Variants in FEM1C observed in about 807,000 individuals in gnomAD.
FEM1C encodes the protein fem-1 homolog C, also known as protein fem-1 homolog C.
FEM1C carries 15 observed loss-of-function variants against 37.6 expected under a neutral mutation model. That is an observed-to-expected ratio of 0.40 (90% confidence interval 0.27 to 0.61). The LOEUF (loss-of-function observed/expected upper bound fraction) is 0.61, where lower values mean the gene tolerates loss of function less well. Among genes scored for constraint, FEM1C ranks in the 20% least tolerant of loss-of-function variants. The pLI is 0.42. For synonymous variants in FEM1C, 287 were observed against 272.8 expected, an observed-to-expected ratio of 1.05 and a Z score of -0.51; for missense variants, 532 against 749.7, an observed-to-expected ratio of 0.71 and a Z score of 3.39.
intron 2 of FEM1C, among the ~76,000 whole-genome samples, chr5:115,534,050 T>G (rs1326460846): frequency 6.6e-6 from 1 of 151,972 alleles, no homozygotes; most frequent in Non-Finnish European, 1.5e-5. Flanking sequence ...TTAAAGCATT[T>G]CTCTAGAAAG....
Position 115,542,981 on chromosome 5 carries a change from C to T in FEM1C, c.513G>A (p.Lys171=), listed in dbSNP as rs761106385. 113 of 1,613,708 alleles carry T rather than the reference C, an allele frequency of 7.0e-5. No individual in the cohort carries two copies. The highest frequency in any genetic ancestry group is 9.1e-5 in the Non-Finnish European group (107 of 1,179,730). The change falls in exon 2 of 3, where the codon AAG becomes AAA. Residue 171 remains lysine, a synonymous_variant. Coordinates refer to ENST00000274457, the MANE Select transcript of FEM1C (RefSeq NM_020177.3). ...CACTTTTTCTATTAACATCTGCCCC[C>T]TTTTCAAGTAAATACTGAGCAATCT... ...HKEIAQYLLE[K]GADVNRKSVK...
intron 2 of FEM1C, among the ~76,000 whole-genome samples, chr5:115,528,533 A>ATTG (rs1753952054): frequency 6.6e-6 from 1 of 152,162 alleles, no homozygotes; most frequent in Non-Finnish European, 1.5e-5. Context: ...TATCGCAAAA[A>ATTG]CTTAAATCGA....
rs1318402219 is a variant in FEM1C at position 115,522,581 on chromosome 5, C to T, written c.*1727G>A. 4 of 149,444 alleles carry T rather than the reference C, an allele frequency of 2.7e-5. No homozygotes were observed. The highest frequency in any genetic ancestry group is 6.1e-5 in the Non-Finnish European group (4 of 65,984). 9.3% of individuals were successfully genotyped at this position (149,444 alleles called of 1,614,324 possible). A position where few individuals can be genotyped will look rare whatever the true frequency, so the allele number is the denominator to read the frequency against. ...ATGTTCTCTTGTTTATTTACTACTC[C>T]TCATTACAAGGTTTTTACTGACTAA... is the stretch of plus-strand genomic sequence containing the variant. On this transcript the variant is annotated 3_prime_UTR_variant, in exon 3 of 3. Coordinates refer to ENST00000274457, the MANE Select transcript of FEM1C (RefSeq NM_020177.3).
At chr5:115,528,492 G>A (rs1210169483) in intron 2 of FEM1C, among the ~76,000 whole-genome samples, 1 of 152,078 alleles carries the variant, frequency 6.6e-6, no homozygotes, top group East Asian at 1.9e-4. Context: ...TTTAACCCTA[G>A]GGAGTTAAAG....
At chr5:115,544,069 T>C (rs1580387742) in intron 1 of FEM1C, 1 of 985,404 alleles carries the variant, frequency 1.0e-6, no homozygotes. Flanking sequence ...GCAGGAGAGC[T>C]GGCCAAGGGC....
chr5:115,528,761 G>T (rs187614420), intron 2 of FEM1C, among the ~76,000 whole-genome samples: 1 of 152,160 alleles, frequency 6.6e-6, no homozygotes, highest in Admixed American at 6.5e-5. Context: ...ATAAAGAGCT[G>T]ACAGAAAAGC....
At position 115,522,685 on chromosome 5, in the gene FEM1C, T is replaced by C. The variant is rs1445208168; in HGVS notation, c.*1623A>G. Reference sequence around the variant, plus strand: ...TAACATCAACCCTCAGAATAAAATGTCAACACAAAAATCCAAGTGAGTGAT... The same window carrying C: ...TAACATCAACCCTCAGAATAAAATGCCAACACAAAAATCCAAGTGAGTGAT... On this transcript the variant is annotated 3_prime_UTR_variant, in exon 3 of 3. Coordinates refer to ENST00000274457, the MANE Select transcript of FEM1C (RefSeq NM_020177.3). The C allele has an allele frequency of 1.3e-5, 2 of 152,304 alleles. No homozygotes were observed. The highest frequency in any genetic ancestry group is 2.9e-5 in the Non-Finnish European group (2 of 67,860). The allele number at this position is 152,304 out of a possible 1,614,324, so 9.4% of individuals were successfully genotyped here.
rs1753843140 is a variant in FEM1C, at chr5:115,524,512, T to C, written c.1650A>G (p.Ser550=). 6.2e-7 allele frequency: 1 copy of C among 1,613,002 alleles called. No homozygotes were observed. The highest frequency in any genetic ancestry group is 1.7e-5 in the Admixed American group (1 of 59,900). The change falls in exon 3 of 3, where the codon TCA becomes TCG. Residue 550 remains serine, a synonymous_variant. Transcript: ENST00000274457. ...HPDIMNLLIK[S]GAHFDATNLH... The stretch of plus-strand genomic sequence containing the variant: ...AGTTTGTGGCATCAAAATGTGCACC[T>C]GATTTAATAAGGAGATTCATGATGT...
intron 2 of FEM1C, among the ~76,000 whole-genome samples, chr5:115,532,324 T>G (rs551800682): frequency 1.1e-4 from 17 of 152,260 alleles, no homozygotes; most frequent in African/African-American, 3.9e-4. Flanking sequence ...TAAGGTAGAT[T>G]CTAAATTTTT....
intron 2 of FEM1C, among the ~76,000 whole-genome samples, chr5:115,535,548 A>C (rs1454319314): frequency 2.0e-5 from 3 of 151,978 alleles, no homozygotes; most frequent in Non-Finnish European, 4.4e-5. Flanking sequence ...TCACAATGAG[A>C]TATCACTACA....
intron 2 of FEM1C, among the ~76,000 whole-genome samples, chr5:115,529,965 T>G (rs190278005): frequency 4.0e-5 from 6 of 151,870 alleles, no homozygotes; most frequent in Admixed American, 3.9e-4. Flanking sequence ...ATCAGAAAAG[T>G]ACCCAGGAGA....
At position 115,535,720 on chromosome 5, in the gene FEM1C, C is replaced by A. The variant is rs1252260669; in HGVS notation, c.544+7230G>T. On this transcript the variant is annotated intron_variant, in intron 2 of 2. Transcript: ENST00000274457. Reference sequence around the variant, plus strand: ...GGTTCCTGTTAAAAGAGTTACCATACAACCCAATAATGCCACTCCTAGGTA... The same window carrying A: ...GGTTCCTGTTAAAAGAGTTACCATAAAACCCAATAATGCCACTCCTAGGTA... Among the ~76,000 whole-genome samples the A allele has an allele frequency of 1.2e-4, 19 of 152,064 alleles. No homozygotes were observed. The East Asian group carries it at 2.9e-3, about 23-fold the overall frequency.
At chr5:115,543,853 G>A (rs1754296077) in intron 1 of FEM1C, 170 bp from the exon 2 acceptor site, 1 of 983,702 alleles carries the variant, frequency 1.0e-6, no homozygotes, top group Non-Finnish European at 1.2e-6. Context: ...GAAAAATACA[G>A]AAGGATACAC....
intron 2 of FEM1C, among the ~76,000 whole-genome samples, 192 bp downstream of exon 2, chr5:115,542,758 A>G (rs780988831): frequency 1.4e-4 from 21 of 152,244 alleles, no homozygotes; most frequent in Non-Finnish European, 2.2e-4. Context: ...GAGTAACAGA[A>G]GTCTTTTATC....
At chr5:115,543,892 G>A in intron 1 of FEM1C, 1 of 985,182 alleles carries the variant, frequency 1.0e-6, no homozygotes, top group Non-Finnish European at 1.2e-6. Flanking sequence ...GTCGCAGGCA[G>A]TCTCCTCCAT....
intron 2 of FEM1C, among the ~76,000 whole-genome samples, chr5:115,528,361 T>C (rs986771701): frequency 6.6e-6 from 1 of 152,136 alleles, no homozygotes; most frequent in African/African-American, 2.4e-5. Context: ...CTGGAAGAGC[T>C]AGCTGAAACA....
At chr5:115,531,408 CATT>C (rs1421581236) in intron 2 of FEM1C, among the ~76,000 whole-genome samples, 1 of 152,106 alleles carries the variant, frequency 6.6e-6, no homozygotes, top group Non-Finnish European at 1.5e-5. Flanking sequence ...TTTCAGAAAA[CATT>C]ATGTGCAGTA....
At chr5:115,526,349 C>T (rs998928738) in intron 2 of FEM1C, among the ~76,000 whole-genome samples, 1 of 152,056 alleles carries the variant, frequency 6.6e-6, no homozygotes, top group Non-Finnish European at 1.5e-5. Flanking sequence ...GAAAAATATG[C>T]GGGTGGTTCA....
chr5:115,524,314 A>G lies in FEM1C; in HGVS notation c.1848T>C (p.His616=), dbSNP rs909703505. The part of the protein sequence containing the change: ...PEKLETFVSL[H]R ...CTAAAATACAGTCAAGTTATCATCT[A>G]TGAAGGGAAACAAAAGTCTCTAGCT... Residue 616 remains histidine (H), a synonymous_variant, in exon 3 of 3, where the codon CAT becomes CAC. Transcript: ENST00000274457. 4 of 1,612,828 alleles carry G rather than the reference A, an allele frequency of 2.5e-6. No homozygotes were observed. In the Admixed American group the frequency reaches 5.0e-5, roughly 20 times the overall value.
Sources: allele counts gnomAD v4.1 joint callset (sites outside exome capture counted in the v4.1 genomes callset), GRCh38; gene constraint gnomAD v4.1.1; transcripts MANE v1.5; gene names NCBI Gene and HGNC (gene_info 2026-07-23, HGNC 2026-07-21).